The following CTNNA3 variants were observed in gnomAD, a reference collection of about 807,000 sequenced individuals.
The protein encoded by CTNNA3 is catenin alpha 3.
Under a neutral mutation model 95.7 loss-of-function variants are expected in CTNNA3, and 76 were observed. That is an observed-to-expected ratio of 0.79 (90% CI 0.66 to 0.96). The LOEUF (loss-of-function observed/expected upper bound fraction) is 0.96. Among genes scored for constraint, CTNNA3 ranks in the 40% least tolerant of loss-of-function variants. The probability of loss-of-function intolerance (pLI) is 0.00; values close to 1 mark genes in which losing one functional copy is unlikely to be tolerated. For synonymous variants in CTNNA3, 431 were observed against 374.4 expected (o/e 1.15, Z -1.74); for missense variants, 1,191 against 1,089.8 (o/e 1.09, Z -1.31).
intron 5 of CTNNA3, among the ~76,000 whole-genome samples, chr10:67,267,619 G>A (rs2132407959): frequency 6.6e-6 from 1 of 152,146 alleles, no homozygotes; most frequent in South Asian, 2.1e-4. Flanking sequence ...ACCCACCTCG[G>A]CCTCCCAAAA....
chr10:67,560,530 A>G (rs575220361), intron 3 of CTNNA3, among the ~76,000 whole-genome samples: 1 of 152,370 alleles, frequency 6.6e-6, no homozygotes, highest in Admixed American at 6.5e-5. Context: ...CTACTGCAAA[A>G]ACATGCCAAA....
At chr10:67,025,172 G>A (rs571749731) in intron 7 of CTNNA3, among the ~76,000 whole-genome samples, 4 of 143,760 alleles carry the variant, frequency 2.8e-5, no homozygotes, top group Admixed American at 7.0e-5. Flanking sequence ...AAGGAAGGAA[G>A]GAAAGAAAGA....
At chr10:66,114,092 C>T (rs1044913172) in intron 13 of CTNNA3, among the ~76,000 whole-genome samples, 7 of 152,088 alleles carry the variant, frequency 4.6e-5, no homozygotes, top group Non-Finnish European at 7.4e-5. Flanking sequence ...ATCAGAACAC[C>T]GGTGCCATGA....
At chr10:66,551,731 G>A (rs536506404) in intron 10 of CTNNA3, among the ~76,000 whole-genome samples, 15 of 151,810 alleles carry the variant, frequency 9.9e-5, no homozygotes, top group South Asian at 2.1e-4. Flanking sequence ...CTCAAGTTCC[G>A]TTTGTAAGTT....
Position 66,078,431 on chromosome 10 carries a change from T to A in CTNNA3, c.1978-8942A>T, listed in dbSNP as rs946526523. ...TTTCAGTATATCATCGTCTCTTTCA[T>A]AAAATGACTTCCAGACAGAATTGCA... On this transcript the variant is annotated intron_variant, in intron 14 of 17. Coordinates refer to ENST00000433211, the MANE Select transcript of CTNNA3 (RefSeq NM_013266.4). 2.0e-5 allele frequency among the ~76,000 whole-genome samples: 3 copies of A among 151,882 alleles called. No individual in the cohort carries two copies. The East Asian group carries it at 5.8e-4, about 29-fold the overall frequency.
chr10:67,052,218 T>G (rs527843627), intron 7 of CTNNA3, among the ~76,000 whole-genome samples: 202 of 152,140 alleles, frequency 1.3e-3, no homozygotes, highest in African/African-American at 4.6e-3. Context: ...TATTTTTAAC[T>G]CCGAGAAAAT....
chr10:66,831,001 A>G (rs1419418163), intron 7 of CTNNA3, among the ~76,000 whole-genome samples: 2 of 152,216 alleles, frequency 1.3e-5, no homozygotes, highest in African/African-American at 2.4e-5. Context: ...TTTAAATGAC[A>G]GCTTTAAAGA....
At chr10:67,512,455 C>T (rs1448471390) in intron 5 of CTNNA3, among the ~76,000 whole-genome samples, 3 of 152,176 alleles carry the variant, frequency 2.0e-5, no homozygotes, top group African/African-American at 7.2e-5. Flanking sequence ...ATTGCAGCAT[C>T]ATTCATGATA....
At chr10:67,302,708 G>A in intron 5 of CTNNA3, among the ~76,000 whole-genome samples, 1 of 152,056 alleles carries the variant, frequency 6.6e-6, no homozygotes, top group East Asian at 1.9e-4. Context: ...GCCATAAACT[G>A]CCCATGTCCC....
chr10:66,206,073 G>A (rs186919792), intron 13 of CTNNA3, among the ~76,000 whole-genome samples: 1 of 151,948 alleles, frequency 6.6e-6, no homozygotes, highest in Non-Finnish European at 1.5e-5. Flanking sequence ...AAGTACTTTT[G>A]TTACATAAAT....
Position 67,485,629 on chromosome 10 carries a change from T to C in CTNNA3, c.579+36213A>G, listed in dbSNP as rs112502965. Among the ~76,000 whole-genome samples the C allele has an allele frequency of 7.1e-3, 1,081 of 152,318 alleles. 6 individuals carry two copies. Among genetic ancestry groups the C allele is most frequent in the Middle Eastern group, 0.017 (5 of 294 alleles). On this transcript the variant is annotated intron_variant, in intron 5 of 17. Transcript: ENST00000433211. ...CAGTGGAAGTTAGACCCAGTGATGA[T>C]AGAAATTAAACCCAATTTTACTTTC...
chr10:67,558,098 A>G (rs1841324026), intron 3 of CTNNA3, among the ~76,000 whole-genome samples: 1 of 152,110 alleles, frequency 6.6e-6, no homozygotes, highest in South Asian at 2.1e-4. Context: ...CTTTCTAAAC[A>G]TGGCCACTCT....
chr10:66,921,299 C>T (rs561754660), intron 7 of CTNNA3, among the ~76,000 whole-genome samples: 2 of 152,246 alleles, frequency 1.3e-5, no homozygotes, highest in South Asian at 4.1e-4. Context: ...CTCCAAATAC[C>T]ATCACATTGG....
At chr10:67,416,230 T>C (rs1845533602) in intron 5 of CTNNA3, among the ~76,000 whole-genome samples, 1 of 151,978 alleles carries the variant, frequency 6.6e-6, no homozygotes. Context: ...ATACAAGATA[T>C]TTGCAAACAA....
intron 5 of CTNNA3, among the ~76,000 whole-genome samples, chr10:67,268,468 C>T (rs1471401146): frequency 1.3e-5 from 2 of 152,030 alleles, no homozygotes; most frequent in Non-Finnish European, 2.9e-5. Context: ...CTGCAGGGAG[C>T]TATGATCACA....
chr10:66,255,777 A>G (rs1911476), intron 13 of CTNNA3, among the ~76,000 whole-genome samples: 151,755 of 152,344 alleles, frequency 1, 75,586 homozygotes, highest in Middle Eastern at 1. Flanking sequence ...AAAAATTCGA[A>G]TTCATGCACA....
At chr10:66,921,600 C>T (rs568566709) in intron 7 of CTNNA3, among the ~76,000 whole-genome samples, 1 of 152,254 alleles carries the variant, frequency 6.6e-6, no homozygotes, top group South Asian at 2.1e-4. Context: ...TTTGCACTGG[C>T]CACTCCCCAT....
At chr10:66,304,713 C>T (rs2091908641) in intron 12 of CTNNA3, among the ~76,000 whole-genome samples, 1 of 152,022 alleles carries the variant, frequency 6.6e-6, no homozygotes, top group African/African-American at 2.4e-5. Flanking sequence ...CACATATAAA[C>T]CATACACACA....
intron 10 of CTNNA3, among the ~76,000 whole-genome samples, chr10:66,572,053 T>C (rs1336146921): frequency 6.6e-6 from 1 of 152,028 alleles, no homozygotes; most frequent in Non-Finnish European, 1.5e-5. Context: ...CTTTTCATTA[T>C]GCTACACAGT....
Sources: allele counts gnomAD v4.1 joint callset (sites outside exome capture counted in the v4.1 genomes callset), GRCh38; gene constraint gnomAD v4.1.1; transcripts MANE v1.5; gene names NCBI Gene and HGNC (gene_info 2026-07-23, HGNC 2026-07-21).